MLLT3: variants seen among roughly 807,000 people sequenced by gnomAD.
The protein encoded by MLLT3 is MLLT3 super elongation complex subunit, also known as protein AF-9.
A neutral mutation model predicts 53.2 loss-of-function variants in MLLT3; 4 were observed. The ratio of observed to expected loss-of-function variants is 0.08; its 90% confidence interval spans 0.04 to 0.17. The LOEUF is 0.17. MLLT3 is among the 10% of genes least tolerant of loss of function. The pLI, the probability that MLLT3 is intolerant of heterozygous loss-of-function variation, is 1.00. For synonymous variants in MLLT3, 283 were observed against 230.6 expected, an observed-to-expected ratio of 1.23 and a Z score of -2.06; for missense variants, 569 against 684.0, an observed-to-expected ratio of 0.83 and a Z score of 1.87.
intron 2 of MLLT3, among the ~76,000 whole-genome samples, chr9:20,543,993 G>C (rs1028607630): frequency 3.3e-5 from 5 of 152,098 alleles, no homozygotes; most frequent in Admixed American, 6.5e-5. Context: ...GTGTAGTACT[G>C]TCCTAAAGAC....
intron 5 of MLLT3, among the ~76,000 whole-genome samples, chr9:20,409,557 T>A (rs2118765111): frequency 6.6e-6 from 1 of 152,308 alleles, no homozygotes; most frequent in Admixed American, 6.5e-5. Context: ...CAGTGGAATA[T>A]CATGTACCCC....
intron 2 of MLLT3, among the ~76,000 whole-genome samples, chr9:20,523,545 G>A (rs1445502571): frequency 1.3e-5 from 2 of 152,128 alleles, no homozygotes; most frequent in Admixed American, 1.3e-4. Flanking sequence ...ACACTAAAAG[G>A]AAATGAGCTA....
In MLLT3 at chr9:20,521,610, A is replaced by G. The variant is rs545007321; in HGVS notation, c.194-64824T>C. 7.8e-4 allele frequency among the ~76,000 whole-genome samples: 114 copies of G among 145,572 alleles called. No individual in the cohort carries two copies. In the Middle Eastern group the frequency reaches 0.014, roughly 17 times the overall value. ...TTTGATTCATTACCACATTACAGTA[A>G]CTATCATAAAAGCAAAGTTTAAACT... On this transcript the variant is annotated intron_variant, in intron 2 of 10. Transcript: ENST00000380338.
At chr9:20,513,241 T>C (rs1587010999) in intron 2 of MLLT3, among the ~76,000 whole-genome samples, 1 of 152,306 alleles carries the variant, frequency 6.6e-6, no homozygotes, top group African/African-American at 2.4e-5. Context: ...GGTACCCTTG[T>C]GGCCCTTGTC....
Position 20,620,588 on chromosome 9 carries a change from C to A in MLLT3, c.193+66G>T. 6.7e-7 allele frequency: 1 copy of A among 1,488,612 alleles called. No homozygotes were observed. The highest frequency in any genetic ancestry group is 9.1e-7 in the Non-Finnish European group (1 of 1,096,268). 92.2% of individuals were successfully genotyped at this position (1,488,612 alleles called of 1,614,324 possible). A position where few individuals can be genotyped will look rare whatever the true frequency, so the allele number is the denominator to read the frequency against. ...GGGGGCGGGGAGCGGGACAGCGGGACCGCCCGGGCCAAGCGATTGTTTCAA... is the reference window on the plus strand; with the variant it reads ...GGGGGCGGGGAGCGGGACAGCGGGAACGCCCGGGCCAAGCGATTGTTTCAA... On this transcript the variant is annotated intron_variant, in intron 2 of 10. Coordinates refer to ENST00000380338, the MANE Select transcript of MLLT3 (RefSeq NM_004529.4). This position sits in a 1 kb window ranked among gnomAD's most constrained non-coding sequence, Gnocchi z 6.1.
intron 2 of MLLT3, among the ~76,000 whole-genome samples, chr9:20,468,768 G>A (rs1189028681): frequency 6.6e-6 from 1 of 152,130 alleles, no homozygotes; most frequent in East Asian, 1.9e-4. Context: ...TCAAAGGACC[G>A]ACGTCATATA....
At chr9:20,418,197 ATG>A (rs2118786907) in intron 4 of MLLT3, 1 of 152,326 alleles carries the variant, frequency 6.6e-6, no homozygotes, top group East Asian at 1.9e-4. Flanking sequence ...GGTTATGCAT[ATG>A]TAGGGGTAGG....
intron 2 of MLLT3, among the ~76,000 whole-genome samples, chr9:20,566,607 T>C (rs894262293): frequency 1.3e-5 from 2 of 152,132 alleles, no homozygotes; most frequent in Non-Finnish European, 2.9e-5. Flanking sequence ...AAATGCCCTA[T>C]TCACCTGTGC....
rs375817557 is a variant in MLLT3 at position 20,346,551 on chromosome 9, A to G, written c.1599T>C (p.Thr533=). The G allele has an allele frequency of 4.2e-5, 67 of 1,613,752 alleles. No homozygotes were observed. The African/African-American group carries it at 7.1e-4, about 17-fold the overall frequency. Residue 533 remains threonine, a synonymous_variant, in exon 11 of 11, where the codon ACT becomes ACC. Transcript: ENST00000380338. ...TTGTGTTTGTGATATGAAAGTGTCC[A>G]GTTTCTTCTATAAGGTTCACGATCT... The part of the protein sequence containing the change: ...LQQIVNLIEE[T]GHFHITNTTF...
At chr9:20,383,954 G>A (rs1347269243) in intron 5 of MLLT3, among the ~76,000 whole-genome samples, 1 of 151,844 alleles carries the variant, frequency 6.6e-6, no homozygotes, top group Non-Finnish European at 1.5e-5. Flanking sequence ...AGAACTGCCT[G>A]GTCAAGTAAT....
intron 2 of MLLT3, among the ~76,000 whole-genome samples, chr9:20,567,684 C>T (rs775230275): frequency 1.3e-5 from 2 of 152,056 alleles, no homozygotes. Context: ...TAGAATGGTC[C>T]CAGTGACCAA....
At chr9:20,533,005 A>G in intron 2 of MLLT3, 2 of 257,630 alleles carry the variant, frequency 7.8e-6, no homozygotes, top group African/African-American at 2.3e-5. Flanking sequence ...GAGAACAAAA[A>G]GGCTCAGCTG....
At chr9:20,419,991 C>G (rs1163212472) in intron 4 of MLLT3, among the ~76,000 whole-genome samples, 1 of 151,914 alleles carries the variant, frequency 6.6e-6, no homozygotes, top group Non-Finnish European at 1.5e-5. Flanking sequence ...ATTATTTCCA[C>G]AGAAATTTAG....
At chr9:20,458,279 C>T (rs991910161) in intron 2 of MLLT3, among the ~76,000 whole-genome samples, 3 of 152,178 alleles carry the variant, frequency 2.0e-5, no homozygotes, top group African/African-American at 7.2e-5. Flanking sequence ...CTGCTAATTT[C>T]CTTTCACTTC....
At chr9:20,440,530 T>C (rs1023783147) in intron 4 of MLLT3, among the ~76,000 whole-genome samples, 1 of 152,068 alleles carries the variant, frequency 6.6e-6, no homozygotes, top group African/African-American at 2.4e-5. Flanking sequence ...TATTATAGAG[T>C]ATGAAACTCA....
At chr9:20,476,154 C>G (rs1361595534) in intron 2 of MLLT3, among the ~76,000 whole-genome samples, 4 of 151,862 alleles carry the variant, frequency 2.6e-5, no homozygotes, top group African/African-American at 9.7e-5. Context: ...ACCTCAAACT[C>G]TATTTGGTGA....
intron 2 of MLLT3, among the ~76,000 whole-genome samples, chr9:20,507,742 GAA>G (rs72452530): frequency 1.2e-4 from 10 of 84,558 alleles, no homozygotes; most frequent in African/African-American, 3.5e-4. Flanking sequence ...TCCCAAAATG[GAA>G]AAAAAAAAAA....
intron 2 of MLLT3, among the ~76,000 whole-genome samples, chr9:20,503,434 C>G (rs1261917078): frequency 6.6e-6 from 1 of 152,082 alleles, no homozygotes; most frequent in East Asian, 1.9e-4. Flanking sequence ...GCCAAGAATG[C>G]ACAATGGGGA....
intron 2 of MLLT3, among the ~76,000 whole-genome samples, chr9:20,571,105 C>T (rs1418132842): frequency 1.3e-5 from 2 of 152,170 alleles, no homozygotes; most frequent in East Asian, 1.9e-4. Flanking sequence ...AAACAAGGAC[C>T]ACCACGTGTA....
Sources: gnomAD v4.1 joint callset for allele counts (sites outside exome capture counted in the v4.1 genomes callset) on GRCh38, gnomAD v4.1.1 for gene constraint, Gnocchi (gnomAD v3.1) non-coding constraint, MANE v1.5 for transcripts, NCBI Gene and HGNC (gene_info 2026-07-23, HGNC 2026-07-21) for gene names.